UGGT2: variants seen among roughly 807,000 people sequenced by gnomAD.
UGGT2 encodes UDP-glucose:glycoprotein glucosyltransferase 2.
In UGGT2, 180 loss-of-function variants were observed where a neutral mutation model predicts 192.1. The observed-to-expected ratio is 0.94, with a 90% CI of 0.83 to 1.06. The LOEUF (loss-of-function observed/expected upper bound fraction) is 1.06. Ranked by LOEUF, UGGT2 falls within the 50% of genes least tolerant of loss-of-function variation. The pLI is 0.00. For missense variants in UGGT2, 1,849 were observed against 1,795.7 expected, an observed-to-expected ratio of 1.03 and a Z score of -0.54; for synonymous variants, 580 against 591.0, an observed-to-expected ratio of 0.98 and a Z score of 0.27.
At chr13:95,819,334 T>C (rs1885249378) in intron 38 of UGGT2, among the ~76,000 whole-genome samples, 2 of 152,088 alleles carry the variant, frequency 1.3e-5, no homozygotes, top group Non-Finnish European at 2.9e-5. Context: ...TGTTGTTGTA[T>C]TATTCCTGCC....
chr13:95,953,781 A>T (rs987330850), intron 12 of UGGT2, among the ~76,000 whole-genome samples: 3 of 152,172 alleles, frequency 2.0e-5, no homozygotes, highest in Admixed American at 1.3e-4. Flanking sequence ...AAAAAGAATC[A>T]AGATGATCTA....
At chr13:95,899,182 C>T (rs367611441) in intron 22 of UGGT2, among the ~76,000 whole-genome samples, 7 of 152,208 alleles carry the variant, frequency 4.6e-5, no homozygotes, top group African/African-American at 1.7e-4. Context: ...CCTCACCAGA[C>T]ATCCATGGCA....
At chr13:95,842,346 C>T (rs1438281115) in intron 36 of UGGT2, among the ~76,000 whole-genome samples, 2 of 152,072 alleles carry the variant, frequency 1.3e-5, no homozygotes, top group African/African-American at 4.8e-5. Flanking sequence ...AATCTATATA[C>T]TTTTGGTATG....
chr13:95,917,616 G>C (rs1444313913), intron 20 of UGGT2, among the ~76,000 whole-genome samples: 2 of 152,100 alleles, frequency 1.3e-5, no homozygotes, highest in African/African-American at 4.8e-5. Flanking sequence ...ACAAAGAATG[G>C]CAAGCTGGAT....
intron 22 of UGGT2, among the ~76,000 whole-genome samples, chr13:95,898,236 T>C (rs892987506): frequency 6.6e-6 from 1 of 152,092 alleles, no homozygotes; most frequent in Non-Finnish European, 1.5e-5. Flanking sequence ...AAATAAAACA[T>C]AAGCTAGATG....
At chr13:95,905,304 G>T (rs2048250833) in intron 20 of UGGT2, among the ~76,000 whole-genome samples, 2 of 145,512 alleles carry the variant, frequency 1.4e-5, no homozygotes, top group Admixed American at 6.8e-5. Context: ...AGTTTAATTA[G>T]ATCCCATTTG....
chr13:95,911,508 A>ACATT (rs2048496766), intron 20 of UGGT2, among the ~76,000 whole-genome samples: 1 of 152,230 alleles, frequency 6.6e-6, no homozygotes. Context: ...ATTCCTGGAC[A>ACATT]CATACACCCT....
chr13:95,862,838 T>C (rs147374347), intron 31 of UGGT2, among the ~76,000 whole-genome samples: 35 of 152,258 alleles, frequency 2.3e-4, no homozygotes, highest in African/African-American at 7.9e-4. Context: ...CTGGATTCTT[T>C]AGATATCTGA....
intron 8 of UGGT2, among the ~76,000 whole-genome samples, chr13:95,987,071 G>C (rs2051311682): frequency 6.6e-6 from 1 of 152,052 alleles, no homozygotes; most frequent in African/African-American, 2.4e-5. Context: ...TCAACAGTGA[G>C]GCAGATTGTT....
Position 95,902,968 on chromosome 13 carries a change from T to C in UGGT2, c.2388A>G (p.Ala796=), listed in dbSNP as rs1315071218. The C allele has an allele frequency of 6.2e-7, 1 of 1,613,474 alleles. No homozygotes were observed. Among genetic ancestry groups the C allele is most frequent in the African/African-American group, 1.3e-5 (1 of 74,918 alleles). ...ENTAISRGIL[A]AFLTQKNMFL... ...ACATGTTCTTCTGTGTAAGAAAAGC[T>C]GCCAAAATTCCTCTAGAAATAGCTG... Residue 796 remains alanine, a synonymous_variant, in exon 21 of 39, where the codon GCA becomes GCG. Coordinates refer to ENST00000376747, the MANE Select transcript of UGGT2 (RefSeq NM_020121.4).
intron 38 of UGGT2, among the ~76,000 whole-genome samples, chr13:95,802,828 T>TGTTG (rs773550627): frequency 2.8e-4 from 43 of 152,012 alleles, no homozygotes; most frequent in Non-Finnish European, 5.7e-4. Flanking sequence ...TTTGTTTGTT[T>TGTTG]GTTTGTTTGT....
intron 20 of UGGT2, among the ~76,000 whole-genome samples, chr13:95,923,482 C>T (rs957851652): frequency 2.0e-5 from 3 of 151,520 alleles, no homozygotes; most frequent in Non-Finnish European, 4.4e-5. Flanking sequence ...GATTCTCCTG[C>T]CTCAGCCTCG....
At chr13:95,850,328 T>C (rs138831566) in intron 36 of UGGT2, among the ~76,000 whole-genome samples, 126 of 152,044 alleles carry the variant, frequency 8.3e-4, no homozygotes, top group African/African-American at 2.5e-3. Context: ...GGCCAAGAAA[T>C]AGAAAAATAG....
At chr13:95,837,282 G>T in intron 36 of UGGT2, 80 bp from the exon 37 acceptor site, 2 of 939,262 alleles carry the variant, frequency 2.1e-6, no homozygotes, top group Non-Finnish European at 3.5e-6. Context: ...TAAGACATCA[G>T]TTAGACTGTA....
chr13:95,932,548 G>A (rs970049965), intron 17 of UGGT2, among the ~76,000 whole-genome samples: 5 of 152,086 alleles, frequency 3.3e-5, no homozygotes, highest in African/African-American at 9.7e-5. Context: ...AGTGAAGAGA[G>A]ATACTGGACT....
At chr13:95,977,270 C>G (rs768077563) in intron 10 of UGGT2, among the ~76,000 whole-genome samples, 1 of 152,098 alleles carries the variant, frequency 6.6e-6, no homozygotes, top group Non-Finnish European at 1.5e-5. Flanking sequence ...AGGCAACCTA[C>G]AGAATGGGAG....
Position 95,817,876 on chromosome 13 carries a change from A to T in UGGT2, c.4528+15051T>A, listed in dbSNP as rs570508588. 2.0e-5 allele frequency among the ~76,000 whole-genome samples: 3 copies of T among 152,270 alleles called. No individual in the cohort carries two copies. The East Asian group carries it at 5.8e-4, about 29-fold the overall frequency. On this transcript the variant is annotated intron_variant, in intron 38 of 38. Coordinates refer to ENST00000376747, the MANE Select transcript of UGGT2 (RefSeq NM_020121.4). ...AAATTGATACCAAAATTAGGAGAAA[A>T]CCCACTACTATAGGAAATTAAAATG...
intron 12 of UGGT2, among the ~76,000 whole-genome samples, chr13:95,950,853 A>G (rs961817644): frequency 1.6e-4 from 25 of 152,272 alleles, no homozygotes; most frequent in African/African-American, 5.3e-4. Flanking sequence ...AAACGTGACA[A>G]CAGATCAACT....
rs973782393 is a variant in UGGT2, at chr13:96,047,252, G to A, written c.158+5903C>T. On this transcript the variant is annotated intron_variant, in intron 1 of 38. Transcript: ENST00000376747. ...GCCGACTGACACCTCATACAGCCGG[G>A]TGCCCCTCTGAGACGAAGCTTCCAG... 2.6e-5 allele frequency among the ~76,000 whole-genome samples: 4 copies of A among 152,166 alleles called. No homozygotes were observed. In the East Asian group the frequency reaches 5.8e-4, roughly 22 times the overall value.
Sources: allele counts gnomAD v4.1 joint callset (sites outside exome capture counted in the v4.1 genomes callset), GRCh38; gene constraint gnomAD v4.1.1; transcripts MANE v1.5; gene names NCBI Gene and HGNC (gene_info 2026-07-23, HGNC 2026-07-21).